Variants in ADGRL2 observed in about 807,000 individuals in gnomAD.
ADGRL2 encodes the protein adhesion G protein-coupled receptor L2.
In ADGRL2, 44 loss-of-function variants were observed where a neutral mutation model predicts 157.4. The observed-to-expected ratio is 0.28, with a 90% confidence interval of 0.22 to 0.36. ADGRL2 has a LOEUF of 0.36. ADGRL2 is among the 10% of genes least tolerant of loss of function. The pLI is 1.00. For missense variants in ADGRL2, 1,510 were observed against 1,768.9 expected, an observed-to-expected ratio of 0.85 and a Z score of 2.63; for synonymous variants, 585 against 624.7, an observed-to-expected ratio of 0.94 and a Z score of 0.95.
chr1:81,926,065 A>G (rs914229858), intron 3 of ADGRL2, among the ~76,000 whole-genome samples: 11 of 152,020 alleles, frequency 7.2e-5, no homozygotes, highest in Non-Finnish European at 1.3e-4. Context: ...CTGAGCGGGT[A>G]ATTAACAGAC....
At chr1:81,422,723 C>T (rs910793087) in intron 1 of ADGRL2, among the ~76,000 whole-genome samples, 1 of 152,104 alleles carries the variant, frequency 6.6e-6, no homozygotes, top group Non-Finnish European at 1.5e-5. Context: ...TCAGCTGTAC[C>T]ACCATTTTCT....
At chr1:81,319,574 C>A (rs915922777) in intron 1 of ADGRL2, among the ~76,000 whole-genome samples, 1 of 152,068 alleles carries the variant, frequency 6.6e-6, no homozygotes, top group African/African-American at 2.4e-5. Flanking sequence ...CTCAGAGAGG[C>A]GGGGCTCAAC....
intron 13 of ADGRL2, among the ~76,000 whole-genome samples, chr1:81,967,419 G>A (rs2148631): frequency 0.3 from 45,358 of 151,776 alleles, 6,965 homozygotes; most frequent in Admixed American, 0.32. Context: ...CCTCCACCAC[G>A]CCTGGCTAAT....
chr1:81,991,775 TCTATTG>T lies in ADGRL2; in HGVS notation c.*634_*639del, dbSNP rs1254516194. The T allele has an allele frequency of 6.6e-6, 1 of 152,666 alleles. No individual in the cohort carries two copies. The highest frequency in any genetic ancestry group is 2.4e-5 in the African/African-American group (1 of 41,464). 9.5% of individuals were successfully genotyped at this position (152,666 alleles called of 1,614,324 possible). On this transcript the variant is annotated 3_prime_UTR_variant, in exon 24 of 24. Coordinates refer to ENST00000686636, the MANE Select transcript of ADGRL2 (RefSeq NM_001366006.2). ...AATGGCTAAAGAAATTATATTTTGT[TCTATTG>T]CTAGGGTAAAATAAATACATTTGTG... is the stretch of plus-strand genomic sequence containing the variant.
At chr1:81,752,350 C>T (rs1193763851) in intron 1 of ADGRL2, among the ~76,000 whole-genome samples, 1 of 152,176 alleles carries the variant, frequency 6.6e-6, no homozygotes, top group Non-Finnish European at 1.5e-5. Context: ...TTTGTTATAG[C>T]AGCCCAAATA....
chr1:81,912,588 T>C (rs369532774), intron 3 of ADGRL2, among the ~76,000 whole-genome samples: 1 of 152,012 alleles, frequency 6.6e-6, no homozygotes, highest in Admixed American at 6.6e-5. Context: ...ATAAATGATA[T>C]CACCCACAGA....
intron 1 of ADGRL2, among the ~76,000 whole-genome samples, chr1:81,389,879 AAAAG>A (rs1433721322): frequency 6.6e-6 from 1 of 152,168 alleles, no homozygotes; most frequent in Non-Finnish European, 1.5e-5. Context: ...AAAAAACAAA[AAAAG>A]AAAGAGAGAA....
intron 1 of ADGRL2, among the ~76,000 whole-genome samples, chr1:81,426,301 G>A (rs896484608): frequency 3.3e-5 from 5 of 152,092 alleles, no homozygotes; most frequent in Admixed American, 6.5e-5. Flanking sequence ...CAGGGGAGGT[G>A]GGTCAGACAA....
At chr1:81,718,144 T>C (rs12748381) in intron 1 of ADGRL2, among the ~76,000 whole-genome samples, 24,192 of 152,064 alleles carry the variant, frequency 0.16, 2,025 homozygotes, top group South Asian at 0.23. Flanking sequence ...CTCAGCCTCC[T>C]GAGTAGCTGG....
At chr1:81,719,205 T>C (rs945969018) in intron 1 of ADGRL2, among the ~76,000 whole-genome samples, 29 of 152,230 alleles carry the variant, frequency 1.9e-4, no homozygotes, top group African/African-American at 6.8e-4. Flanking sequence ...ATTAGAGTTC[T>C]CATATTACAA....
chr1:81,884,683 T>TG (rs60811062), intron 2 of ADGRL2, among the ~76,000 whole-genome samples: 1 of 152,310 alleles, frequency 6.6e-6, no homozygotes, highest in East Asian at 1.9e-4. Context: ...GCTACGTAAG[T>TG]GACCAGCTCT....
intron 1 of ADGRL2, among the ~76,000 whole-genome samples, chr1:81,367,112 C>T (rs139669651): frequency 1.6e-4 from 24 of 152,342 alleles, no homozygotes; most frequent in Non-Finnish European, 2.9e-4. Context: ...AACTTTCCTG[C>T]TAGCCCTGTT....
intron 1 of ADGRL2, among the ~76,000 whole-genome samples, chr1:81,750,411 T>C (rs2085451967): frequency 6.6e-6 from 1 of 152,126 alleles, no homozygotes; most frequent in Admixed American, 6.5e-5. Flanking sequence ...GACAAGTTGT[T>C]ACAAATATTA....
intron 3 of ADGRL2, among the ~76,000 whole-genome samples, chr1:81,600,340 T>C (rs1384748424): frequency 6.6e-6 from 1 of 152,256 alleles, no homozygotes; most frequent in East Asian, 1.9e-4. Context: ...TCAGTGGCTC[T>C]AATCCATCTC....
At chr1:81,916,967 AAGAG>A (rs1205158930) in intron 3 of ADGRL2, among the ~76,000 whole-genome samples, 1 of 151,750 alleles carries the variant, frequency 6.6e-6, no homozygotes, top group Non-Finnish European at 1.5e-5. Flanking sequence ...AATGAAGAGA[AAGAG>A]AGAAAAAAAA....
intron 1 of ADGRL2, among the ~76,000 whole-genome samples, chr1:81,804,243 A>C (rs548883763): frequency 6.6e-6 from 1 of 152,290 alleles, no homozygotes; most frequent in Non-Finnish European, 1.5e-5. Context: ...ACCCTTCCAT[A>C]AATTTATGCA....
intron 3 of ADGRL2, among the ~76,000 whole-genome samples, chr1:81,691,027 G>C (rs547232231): frequency 1.3e-5 from 2 of 152,148 alleles, no homozygotes; most frequent in Non-Finnish European, 2.9e-5. Flanking sequence ...TATGAGATTC[G>C]TATGAGATTT....
At chr1:81,787,152 T>A (rs761204513) in intron 2 of ADGRL2, among the ~76,000 whole-genome samples, 4 of 152,192 alleles carry the variant, frequency 2.6e-5, no homozygotes, top group African/African-American at 9.6e-5. Flanking sequence ...TCCCCCGCCA[T>A]GTGGAACTGT....
At chr1:81,468,805 C>T (rs1234500201) in intron 2 of ADGRL2, among the ~76,000 whole-genome samples, 3 of 152,134 alleles carry the variant, frequency 2.0e-5, no homozygotes, top group African/African-American at 7.2e-5. Context: ...TTTCAATTGA[C>T]ATACAAAGTT....
Sources: gnomAD v4.1 joint callset for allele counts (sites outside exome capture counted in the v4.1 genomes callset) on GRCh38, gnomAD v4.1.1 for gene constraint, MANE v1.5 for transcripts, NCBI Gene and HGNC (gene_info 2026-07-23, HGNC 2026-07-21) for gene names.